The following TULP1 variants were observed in gnomAD, a reference collection of about 807,000 sequenced individuals.
TULP1 encodes the protein tubby-related protein 1.
TULP1 carries 50 observed loss-of-function variants against 67.1 expected under a neutral mutation model. The ratio of observed to expected loss-of-function variants is 0.75; its 90% CI spans 0.59 to 0.94. TULP1 has a LOEUF of 0.94. Among genes scored for constraint, TULP1 ranks in the 40% least tolerant of loss-of-function variants. The pLI is 0.00. For synonymous variants in TULP1, 297 were observed against 294.0 expected, an observed-to-expected ratio of 1.01 and a Z score of -0.11; for missense variants, 746 against 734.1, an observed-to-expected ratio of 1.02 and a Z score of -0.19.
chr6:35,512,879 C>G lies in TULP1; in HGVS notation c.-21G>C. 6.2e-7 allele frequency: 1 copy of G among 1,611,894 alleles called. No homozygotes were observed. The highest frequency in any genetic ancestry group is 8.5e-7 in the Non-Finnish European group (1 of 1,179,994). ...GGCATGGTGCCTTTGCCTATCGCAC[C>G]CCTTTCTCTGCAGGTCTAGGAGCCT... On this transcript the variant is annotated 5_prime_UTR_variant, in exon 1 of 15. Transcript: ENST00000229771.
intron 13 of TULP1, among the ~76,000 whole-genome samples, chr6:35,501,529 A>T (rs1010305992): frequency 6.7e-6 from 1 of 148,176 alleles, no homozygotes. Context: ...AAAAAAAAAA[A>T]GGCTGGGCAC....
At position 35,498,015 on chromosome 6, in the gene TULP1, A is replaced by G; in HGVS notation, c.*312T>C. On this transcript the variant is annotated 3_prime_UTR_variant, in exon 15 of 15. Coordinates refer to ENST00000229771, the MANE Select transcript of TULP1 (RefSeq NM_003322.6). The surrounding 1 kb of genome is among the most constrained non-coding windows in gnomAD (Gnocchi z 6.7). Reference sequence around the variant, plus strand: ...AGGGGAGGTTAAAACAACAATGACTACTGCTCCCGGACAGGAAGTGACTGG... The same window carrying G: ...AGGGGAGGTTAAAACAACAATGACTGCTGCTCCCGGACAGGAAGTGACTGG... 1 of 533,656 alleles carries G rather than the reference A, an allele frequency of 1.9e-6. No homozygotes were observed. The highest frequency in any genetic ancestry group is 2.1e-5 in the South Asian group (1 of 46,540). 33.1% of individuals were successfully genotyped at this position (533,656 alleles called of 1,614,324 possible).
In TULP1 at chr6:35,503,190, G is replaced by A. The variant is rs1393165298; in HGVS notation, c.1323+369C>T. ...CCTGACCTCGTGATCCGCCCATCTC[G>A]GCCTCCCAAAGTGCTGGGATTACAG... is the stretch of plus-strand genomic sequence containing the variant. On this transcript the variant is annotated intron_variant, in intron 13 of 14. Coordinates refer to ENST00000229771, the MANE Select transcript of TULP1 (RefSeq NM_003322.6). The surrounding 1 kb of genome is among the most constrained non-coding windows in gnomAD (Gnocchi z 4.0). Among the ~76,000 whole-genome samples, 18 of 152,022 alleles carry A rather than the reference G, an allele frequency of 1.2e-4. No individual in the cohort carries two copies. The highest frequency in any genetic ancestry group is 4.1e-4 in the African/African-American group (17 of 41,358).
chr6:35,498,168 G>A lies in TULP1; in HGVS notation c.*159C>T. 8.0e-7 allele frequency: 1 copy of A among 1,250,306 alleles called. No homozygotes were observed. 77.5% of individuals were successfully genotyped at this position (1,250,306 alleles called of 1,614,324 possible). ...GCTCCTCCTGCCTCGGCCTGTGCCAGGCTGGGGAGAGGACGGAGGTCACCG... is the reference window on the plus strand; with the variant it reads ...GCTCCTCCTGCCTCGGCCTGTGCCAAGCTGGGGAGAGGACGGAGGTCACCG... On this transcript the variant is annotated 3_prime_UTR_variant, in exon 15 of 15. Transcript: ENST00000229771. The surrounding 1 kb of genome is among the most constrained non-coding windows in gnomAD (Gnocchi z 6.7).
chr6:35,503,856 C>A lies in TULP1; in HGVS notation c.1113-8G>T. On this transcript the variant is annotated splice_region_variant and splice_polypyrimidine_tract_variant and intron_variant, in intron 11 of 14. Coordinates refer to ENST00000229771, the MANE Select transcript of TULP1 (RefSeq NM_003322.6). This position sits in a 1 kb window ranked among gnomAD's most constrained non-coding sequence, Gnocchi z 4.0. ...TTCCCCAGGAGGTTGGACCTGCAAG[C>A]AGGGTAGAGCTTGGGGTGGGGCTGA... 3.1e-6 allele frequency: 5 copies of A among 1,600,630 alleles called. No homozygotes were observed. The South Asian group carries it at 5.6e-5, about 18-fold the overall frequency.
rs1432835653 is a variant in TULP1, at chr6:35,512,392, C to A, written c.100-122G>T. The A allele has an allele frequency of 8.9e-6, 6 of 674,464 alleles. No homozygotes were observed. In the East Asian group the frequency reaches 1.4e-4, roughly 16 times the overall value. 41.8% of individuals were successfully genotyped at this position (674,464 alleles called of 1,614,324 possible). A position where few individuals can be genotyped will look rare whatever the true frequency, so the allele number is the denominator to read the frequency against. On this transcript the variant is annotated intron_variant, in intron 2 of 14. Transcript: ENST00000229771. ...CAGATTATCCGGGGGGAACTGCAGC[C>A]CCCTTCTTGGAGTGAGGCAGGATGA...
Position 35,512,174 on chromosome 6 carries a change from G to A in TULP1, c.190+6C>T, listed in dbSNP as rs529180227. 8.2e-5 allele frequency: 110 copies of A among 1,335,772 alleles called. No individual in the cohort carries two copies. The highest frequency in any genetic ancestry group is 5.8e-4 in the African/African-American group (39 of 66,738). 82.7% of individuals were successfully genotyped at this position (1,335,772 alleles called of 1,614,324 possible). On this transcript the variant is annotated splice_donor_region_variant and intron_variant, in intron 3 of 14. Coordinates refer to ENST00000229771, the MANE Select transcript of TULP1 (RefSeq NM_003322.6). The stretch of plus-strand genomic sequence containing the variant: ...GGGGTCCACCCGGGCTCTGCACCCC[G>A]CCCACCTCCGGGCTTCCGGGGCTTG...
At chr6:35,502,656 G>A (rs1271748546) in intron 13 of TULP1, among the ~76,000 whole-genome samples, 7 of 151,568 alleles carry the variant, frequency 4.6e-5, no homozygotes, top group East Asian at 1.9e-4. Context: ...CCACTGCCAC[G>A]CCCGGCTAAT....
rs1198251756 is a variant in TULP1, at chr6:35,497,942, C to G, written c.*385G>C. On this transcript the variant is annotated 3_prime_UTR_variant, in exon 15 of 15. Transcript: ENST00000229771. ...CTCGTCCCCCATCACCTACCCCCTC[C>G]TCCTAGCCCGCCCCAGCTCCTCGGA... is the stretch of plus-strand genomic sequence containing the variant. 2 of 324,602 alleles carry G rather than the reference C, an allele frequency of 6.2e-6. No homozygotes were observed. The highest frequency in any genetic ancestry group is 1.2e-5 in the Non-Finnish European group (2 of 170,006). 20.1% of individuals were successfully genotyped at this position (324,602 alleles called of 1,614,324 possible). A position where few individuals can be genotyped will look rare whatever the true frequency, so the allele number is the denominator to read the frequency against.
Position 35,509,620 on chromosome 6 carries a change from C to G in TULP1, c.718+14G>C. On this transcript the variant is annotated intron_variant, in intron 7 of 14. Transcript: ENST00000229771. ...CCTCAAGATGTCACCACACCAGAAGCCCTTGCCATCCACCTTTCTTCTTCA... is the reference window on the plus strand; with the variant it reads ...CCTCAAGATGTCACCACACCAGAAGGCCTTGCCATCCACCTTTCTTCTTCA... The G allele has an allele frequency of 1.2e-6, 2 of 1,612,634 alleles. No individual in the cohort carries two copies. The highest frequency in any genetic ancestry group is 2.2e-5 in the East Asian group (1 of 44,848).
intron 4 of TULP1, among the ~76,000 whole-genome samples, chr6:35,511,283 C>G (rs1008680179): frequency 5.3e-5 from 8 of 152,194 alleles, no homozygotes; most frequent in Non-Finnish European, 1.0e-4. Context: ...CCTCTCCTTA[C>G]ACGCTCGCCT....
At chr6:35,509,164 T>C (rs1191111742) in intron 8 of TULP1, 45 bp downstream of exon 8, 2 of 1,567,912 alleles carry the variant, frequency 1.3e-6, no homozygotes, top group Admixed American at 3.3e-5. Context: ...CCCCTGCCTC[T>C]GCTCCCTGAA....
intron 13 of TULP1, among the ~76,000 whole-genome samples, chr6:35,501,353 G>C (rs1760955809): frequency 6.6e-6 from 1 of 151,960 alleles, no homozygotes; most frequent in Non-Finnish European, 1.5e-5. Context: ...AACTAGCCAG[G>C]TATGGTGGCA....
chr6:35,511,864 C>T (rs2150928539), intron 3 of TULP1, 58 bp from the exon 4 acceptor site: 2 of 1,472,796 alleles, frequency 1.4e-6, no homozygotes, highest in Admixed American at 2.3e-5. Flanking sequence ...GAGGCAGCGC[C>T]TCTACCCGCT....
In TULP1 at chr6:35,500,143, C is replaced by T. The variant is rs181172036; in HGVS notation, c.1333G>A (p.Gly445Ser). The T allele has an allele frequency of 9.0e-5, 145 of 1,614,012 alleles. No individual in the cohort carries two copies. The highest frequency in any genetic ancestry group is 5.0e-4 in the Middle Eastern group (3 of 6,058). ...TTGTTCTGCCAGCGCACCAGCAGGC[C>T]GTCACTAGCCTGGGGTGCCCCAGGG... Reference protein sequence around the residue: ...VPIRPRNASDGLLVRWQNKTL... With the variant: ...VPIRPRNASDSLLVRWQNKTL... Residue 445 changes from glycine (G) to serine (S), a missense_variant, in exon 14 of 15, where the codon GGC becomes AGC. By Grantham distance (56) the Gly-to-Ser change is moderately conservative. Coordinates refer to ENST00000229771, the MANE Select transcript of TULP1 (RefSeq NM_003322.6).
rs1215945140 is a variant in TULP1 at position 35,503,846 on chromosome 6, G to T, written c.1115C>A (p.Ser372Tyr). 3 of 1,606,280 alleles carry T rather than the reference G, an allele frequency of 1.9e-6. No homozygotes were observed. Among genetic ancestry groups the T allele is most frequent in the Non-Finnish European group, 1.7e-6 (2 of 1,178,624 alleles). Reference sequence around the variant, plus strand: ...CGTGAAGCGGTTCCCCAGGAGGTTGGACCTGCAAGCAGGGTAGAGCTTGGG... The same window carrying T: ...CGTGAAGCGGTTCCCCAGGAGGTTGTACCTGCAAGCAGGGTAGAGCTTGGG... ...GGENFIGKLR[S>Y]NLLGNRFTVF... Residue 372 changes from serine (S) to tyrosine (Y), a missense_variant and splice_region_variant, in exon 12 of 15, where the codon TCC becomes TAC. Physicochemically the swap from Ser to Tyr is moderately radical, Grantham distance 144. Coordinates refer to ENST00000229771, the MANE Select transcript of TULP1 (RefSeq NM_003322.6). The surrounding 1 kb of genome is among the most constrained non-coding windows in gnomAD (Gnocchi z 4.0).
intron 3 of TULP1, 80 bp from the exon 4 acceptor site, chr6:35,511,886 T>C: frequency 7.0e-7 from 1 of 1,428,066 alleles, no homozygotes; most frequent in Non-Finnish European, 9.3e-7. Context: ...CCCCCAAGCC[T>C]GGGCGCACCC....
Position 35,498,506 on chromosome 6 carries a change from C to T in TULP1, c.1496-46G>A. The T allele has an allele frequency of 6.2e-7, 1 of 1,611,540 alleles. No homozygotes were observed. Reference sequence around the variant, plus strand: ...GGGGGCGGCCCGAGACCTCCTTGGACCCCCATCCTGGCAGACAGTGCCCTC... The same window carrying T: ...GGGGGCGGCCCGAGACCTCCTTGGATCCCCATCCTGGCAGACAGTGCCCTC... On this transcript the variant is annotated intron_variant, in intron 14 of 14. Coordinates refer to ENST00000229771, the MANE Select transcript of TULP1 (RefSeq NM_003322.6). The surrounding 1 kb of genome is among the most constrained non-coding windows in gnomAD (Gnocchi z 6.7).
At chr6:35,512,411 A>G in intron 2 of TULP1, 141 bp from the exon 3 acceptor site, 1 of 666,102 alleles carries the variant, frequency 1.5e-6, no homozygotes. Flanking sequence ...GGAGTGAGGC[A>G]GGATGACCCC....
Sources: allele counts gnomAD v4.1 joint callset (sites outside exome capture counted in the v4.1 genomes callset), GRCh38; gene constraint gnomAD v4.1.1; non-coding constraint Gnocchi (gnomAD v3.1); transcripts MANE v1.5; gene names NCBI Gene and HGNC (gene_info 2026-07-23, HGNC 2026-07-21).